The following HECW1 variants were observed in gnomAD, a reference collection of about 807,000 sequenced individuals.
HECW1 encodes HECT, C2 and WW domain containing E3 ubiquitin protein ligase 1, also known as E3 ubiquitin-protein ligase HECW1.
In HECW1, 61 loss-of-function variants were observed where a neutral mutation model predicts 182.3. The ratio of observed to expected loss-of-function variants is 0.33; its 90% confidence interval spans 0.27 to 0.41. HECW1 has a LOEUF of 0.41. Ranked by LOEUF, HECW1 falls within the 10% of genes least tolerant of loss-of-function variation. The pLI, the probability that HECW1 is intolerant of heterozygous loss-of-function variation, is 1.00. For missense variants in HECW1, 1,739 were observed against 2,108.9 expected (o/e 0.82, Z 3.44); for synonymous variants, 859 against 832.6 (o/e 1.03, Z -0.55).
chr7:43,259,387 C>CAA (rs36088559), intron 3 of HECW1, among the ~76,000 whole-genome samples: 36,110 of 137,080 alleles, frequency 0.26, 4,488 homozygotes, highest in Middle Eastern at 0.39. Flanking sequence ...ACTCCATGTC[C>CAA]AAAAAAAAAA....
At chr7:43,228,315 A>G (rs960348265) in intron 2 of HECW1, among the ~76,000 whole-genome samples, 7 of 151,972 alleles carry the variant, frequency 4.6e-5, no homozygotes, top group African/African-American at 1.7e-4. Context: ...CAGAGACCTC[A>G]TCTCTACAAA....
At chr7:43,159,914 C>G (rs1157177735) in intron 2 of HECW1, among the ~76,000 whole-genome samples, 1 of 152,154 alleles carries the variant, frequency 6.6e-6, no homozygotes, top group Non-Finnish European at 1.5e-5. Context: ...GTCCTGACCT[C>G]GTGATCTGCC....
intron 3 of HECW1, among the ~76,000 whole-genome samples, chr7:43,310,232 C>G (rs1411307729): frequency 6.6e-6 from 1 of 152,154 alleles, no homozygotes; most frequent in Non-Finnish European, 1.5e-5. Flanking sequence ...GGAGGGCTGT[C>G]AGTTTACTGA....
intron 17 of HECW1, among the ~76,000 whole-genome samples, chr7:43,488,476 G>GAA (rs1231474935): frequency 5.4e-5 from 8 of 147,506 alleles, no homozygotes; most frequent in East Asian, 2.0e-4. Context: ...AAGAAAGAAA[G>GAA]AAAGAAAGAA....
intron 2 of HECW1, among the ~76,000 whole-genome samples, chr7:43,172,570 T>G (rs1162736185): frequency 5.3e-5 from 8 of 152,198 alleles, no homozygotes; most frequent in Admixed American, 5.2e-4. Context: ...TGTTACCTAA[T>G]GTTTAATGTC....
chr7:43,268,106 A>T (rs915274695), intron 3 of HECW1, among the ~76,000 whole-genome samples: 1 of 152,244 alleles, frequency 6.6e-6, no homozygotes, highest in Admixed American at 6.5e-5. Context: ...ATTTATTTTA[A>T]AATATTCATT....
chr7:43,474,129 T>C (rs1028194234), intron 16 of HECW1, among the ~76,000 whole-genome samples: 4 of 152,162 alleles, frequency 2.6e-5, no homozygotes, highest in African/African-American at 9.6e-5. Flanking sequence ...GATGTATTAA[T>C]ATAATACAAA....
intron 2 of HECW1, among the ~76,000 whole-genome samples, chr7:43,167,271 C>T (rs887498601): frequency 1.3e-5 from 2 of 152,174 alleles, no homozygotes; most frequent in African/African-American, 4.8e-5. Flanking sequence ...CCCTTGCCTT[C>T]ATCTCCACAT....
chr7:43,304,692 C>T (rs1328879699), intron 3 of HECW1, among the ~76,000 whole-genome samples: 1 of 152,104 alleles, frequency 6.6e-6, no homozygotes, highest in Non-Finnish European at 1.5e-5. Context: ...CGGGGTTTCA[C>T]CATGTTAGCC....
chr7:43,258,373 AT>A (rs753343565), intron 3 of HECW1, among the ~76,000 whole-genome samples: 1 of 148,888 alleles, frequency 6.7e-6, no homozygotes, highest in African/African-American at 2.5e-5. Context: ...AAATAAAAAA[AT>A]AAAAAAAAAG....
chr7:43,173,598 C>T (rs183474737), intron 2 of HECW1, among the ~76,000 whole-genome samples: 2 of 152,274 alleles, frequency 1.3e-5, no homozygotes, highest in African/African-American at 4.8e-5. Context: ...ACCTAGATCC[C>T]TCTCATGCGC....
chr7:43,346,650 T>A lies in HECW1; in HGVS notation c.461-14236T>A, dbSNP rs193058578. ...GTCTTAGGTTTAAGTCCTTAATATATCTTGAGTTGATTTTTGTATAAGGTG... is the reference window on the plus strand; with the variant it reads ...GTCTTAGGTTTAAGTCCTTAATATAACTTGAGTTGATTTTTGTATAAGGTG... On this transcript the variant is annotated intron_variant, in intron 5 of 29. Coordinates refer to ENST00000395891, the MANE Select transcript of HECW1 (RefSeq NM_015052.5). 4.6e-5 allele frequency among the ~76,000 whole-genome samples: 7 copies of A among 152,336 alleles called. No individual in the cohort carries two copies. The East Asian group carries it at 7.7e-4, about 17-fold the overall frequency.
chr7:43,121,034 C>T (rs1785553551), intron 2 of HECW1, among the ~76,000 whole-genome samples: 1 of 152,072 alleles, frequency 6.6e-6, no homozygotes, highest in Non-Finnish European at 1.5e-5. Flanking sequence ...TATATCTTCC[C>T]TTTTCCATGC....
chr7:43,292,825 T>C (rs1172556824), intron 3 of HECW1, among the ~76,000 whole-genome samples: 2 of 152,036 alleles, frequency 1.3e-5, no homozygotes, highest in Admixed American at 6.5e-5. Flanking sequence ...ATGTCACTAG[T>C]AGAGGGTTGT....
At chr7:43,201,282 G>A (rs1300391619) in intron 2 of HECW1, among the ~76,000 whole-genome samples, 1 of 152,194 alleles carries the variant, frequency 6.6e-6, no homozygotes, top group Admixed American at 6.5e-5. Flanking sequence ...CAGAGAAGGG[G>A]GTTTGGAAGC....
chr7:43,557,073 G>A (rs2082051741), intron 29 of HECW1, among the ~76,000 whole-genome samples: 1 of 123,974 alleles, frequency 8.1e-6, no homozygotes, highest in Non-Finnish European at 1.9e-5. Context: ...GACAATGTCT[G>A]AAGATCAAAG....
intron 2 of HECW1, among the ~76,000 whole-genome samples, chr7:43,125,066 C>A (rs1217826722): frequency 6.6e-6 from 1 of 152,102 alleles, no homozygotes; most frequent in Non-Finnish European, 1.5e-5. Flanking sequence ...GTAAGAGCCC[C>A]CTTCTGGGTT....
chr7:43,356,896 A>G (rs1338003645), intron 5 of HECW1, among the ~76,000 whole-genome samples: 1 of 152,234 alleles, frequency 6.6e-6, no homozygotes, highest in Non-Finnish European at 1.5e-5. Flanking sequence ...CAAGAGCAAA[A>G]AACAATCTGA....
Position 43,492,154 on chromosome 7 carries a change from A to C in HECW1, c.3314A>C (p.Gln1105Pro), listed in dbSNP as rs2078956134. 1 of 1,601,866 alleles carries C rather than the reference A, an allele frequency of 6.2e-7. No individual in the cohort carries two copies. Among genetic ancestry groups the C allele is most frequent in the African/African-American group, 1.4e-5 (1 of 73,888 alleles). The change falls in exon 18 of 30, where the codon CAA (glutamine) becomes CCA (proline). Residue 1105 changes from glutamine to proline, a missense_variant. This residue lies in a region of HECW1 where 971 missense variants were observed against 1,029.1 expected (regional missense o/e 0.94). Coordinates refer to ENST00000395891, the MANE Select transcript of HECW1 (RefSeq NM_015052.5). ...GHSLVAAIRS[Q>P]HQHESLPLAY... ...AGCTTAGTAGCTGCTATTCGAAGCC[A>C]ACATCAACATGAGTCATTGCCACTG... is the stretch of plus-strand genomic sequence containing the variant.
Sources: gnomAD v4.1 joint callset for allele counts (sites outside exome capture counted in the v4.1 genomes callset) on GRCh38, gnomAD v4.1.1 for gene constraint, gnomAD v4.1.1 regional missense constraint, MANE v1.5 for transcripts, NCBI Gene and HGNC (gene_info 2026-07-23, HGNC 2026-07-21) for gene names.